Variants in DAPK2 observed in about 807,000 individuals in gnomAD.
The protein encoded by DAPK2 is death-associated protein kinase 2.
A neutral mutation model predicts 44.1 loss-of-function variants in DAPK2; 35 were observed. The ratio of observed to expected loss-of-function variants is 0.79; its 90% confidence interval spans 0.61 to 1.05. The LOEUF (loss-of-function observed/expected upper bound fraction) is 1.05. DAPK2 is among the 50% of genes least tolerant of loss of function. DAPK2 has a pLI of 0.00. For missense variants in DAPK2, 453 were observed against 483.2 expected (o/e 0.94, Z 0.59); for synonymous variants, 174 against 182.6 (o/e 0.95, Z 0.38).
intron 1 of DAPK2, among the ~76,000 whole-genome samples, chr15:64,025,227 T>C (rs2079804767): frequency 6.6e-6 from 1 of 152,170 alleles, no homozygotes; most frequent in African/African-American, 2.4e-5. Context: ...GTTCAATCTC[T>C]AAGATTCAGC....
At chr15:64,037,589 C>T (rs2080244312) in intron 1 of DAPK2, among the ~76,000 whole-genome samples, 2 of 152,274 alleles carry the variant, frequency 1.3e-5, no homozygotes, top group East Asian at 1.9e-4. Flanking sequence ...TTGGATGGTG[C>T]GTGGCACACA....
At position 63,912,050 on chromosome 15, in the gene DAPK2, G is replaced by A; in HGVS notation, c.948+58C>T. The A allele has an allele frequency of 6.3e-7, 1 of 1,592,162 alleles. No homozygotes were observed. Among genetic ancestry groups the A allele is most frequent in the Non-Finnish European group, 8.6e-7 (1 of 1,168,860 alleles). On this transcript the variant is annotated intron_variant, in intron 9 of 10. Coordinates refer to ENST00000261891, the Ensembl canonical transcript of DAPK2. This position sits in a 1 kb window ranked among gnomAD's most constrained non-coding sequence, Gnocchi z 4.4. ...AGAATGTGCATGGAGACCCTGGAGA[G>A]CCAGAAACCCCGCCCTAGCCCCCAC...
At chr15:63,997,935 A>G (rs1339675333) in intron 1 of DAPK2, among the ~76,000 whole-genome samples, 1 of 152,150 alleles carries the variant, frequency 6.6e-6, no homozygotes, top group African/African-American at 2.4e-5. Context: ...GATTTCATGC[A>G]CTGATCCACA....
intron 8 of DAPK2, chr15:63,922,926 G>C: frequency 6.5e-7 from 1 of 1,535,880 alleles, no homozygotes; most frequent in Non-Finnish European, 8.7e-7. Flanking sequence ...ATCTCAAACT[G>C]GGCTTGCAGA....
chr15:63,944,951 C>G (rs2077410767), intron 3 of DAPK2, among the ~76,000 whole-genome samples: 1 of 152,238 alleles, frequency 6.6e-6, no homozygotes, highest in Non-Finnish European at 1.5e-5. Flanking sequence ...ATCCTTTGCT[C>G]TGGCTTGGAA....
intron 1 of DAPK2, among the ~76,000 whole-genome samples, chr15:63,989,249 A>G (rs1422808621): frequency 6.6e-6 from 1 of 150,954 alleles, no homozygotes; most frequent in South Asian, 2.1e-4. Flanking sequence ...CCAGCTACTC[A>G]GGATGCTGAG....
At chr15:63,947,399 C>T (rs552256387) in intron 3 of DAPK2, among the ~76,000 whole-genome samples, 2 of 152,186 alleles carry the variant, frequency 1.3e-5, no homozygotes, top group Non-Finnish European at 2.9e-5. Context: ...GGGCGGCTGG[C>T]ATTATAGCAG....
At chr15:63,926,178 A>T (rs1474133059) in intron 6 of DAPK2, 85 bp from the exon 8 acceptor site, 8 of 1,472,054 alleles carry the variant, frequency 5.4e-6, no homozygotes, top group Non-Finnish European at 7.4e-6. Flanking sequence ...CTGCCCCATG[A>T]CTGCTGCAGG....
intron 1 of DAPK2, among the ~76,000 whole-genome samples, chr15:64,023,590 T>G (rs1334136139): frequency 6.6e-6 from 1 of 152,228 alleles, no homozygotes; most frequent in African/African-American, 2.4e-5. Flanking sequence ...AGTACCATTT[T>G]GAAGAACTGA....
At chr15:63,945,607 A>C (rs1160393286) in intron 3 of DAPK2, among the ~76,000 whole-genome samples, 1 of 152,158 alleles carries the variant, frequency 6.6e-6, no homozygotes, top group Non-Finnish European at 1.5e-5. Context: ...ACCCTCCCCA[A>C]ATAGAGCAGG....
At chr15:63,959,021 T>A (rs534573755) in intron 3 of DAPK2, among the ~76,000 whole-genome samples, 29 of 152,348 alleles carry the variant, frequency 1.9e-4, no homozygotes, top group African/African-American at 6.7e-4. Flanking sequence ...GTGTCCTCTT[T>A]TATTTCATTG....
intron 1 of DAPK2, among the ~76,000 whole-genome samples, chr15:64,001,341 C>A (rs1035767165): frequency 6.6e-6 from 1 of 152,066 alleles, no homozygotes; most frequent in Non-Finnish European, 1.5e-5. Context: ...CAGCTTGGCC[C>A]GACAAAGAAC....
intron 1 of DAPK2, among the ~76,000 whole-genome samples, chr15:63,995,608 G>T (rs1228468573): frequency 6.6e-6 from 1 of 152,160 alleles, no homozygotes; most frequent in African/African-American, 2.4e-5. Flanking sequence ...CACATTGTTG[G>T]TCACTCCATG....
At chr15:63,978,292 T>TA (rs1312724140) in intron 2 of DAPK2, among the ~76,000 whole-genome samples, 1 of 152,060 alleles carries the variant, frequency 6.6e-6, no homozygotes, top group Non-Finnish European at 1.5e-5. Context: ...CCCTGCCAGG[T>TA]TGTGTGGGCC....
rs991227631 is a variant in DAPK2, at chr15:63,917,788, A to C, written c.859-5591T>G. Reference sequence around the variant, plus strand: ...TGGAGGAGGGCGGTCACTGGTGGGGACGGCGTCCCTGGGAAGGCCTCTCTT... The same window carrying C: ...TGGAGGAGGGCGGTCACTGGTGGGGCCGGCGTCCCTGGGAAGGCCTCTCTT... On this transcript the variant is annotated intron_variant, in intron 8 of 10. Coordinates refer to ENST00000261891, the Ensembl canonical transcript of DAPK2. The surrounding 1 kb of genome is among the most constrained non-coding windows in gnomAD (Gnocchi z 4.4). 7.9e-5 allele frequency: 12 copies of C among 151,762 alleles called. No individual in the cohort carries two copies. The highest frequency in any genetic ancestry group is 1.5e-4 in the African/African-American group (6 of 41,262). 9.4% of individuals were successfully genotyped at this position (151,762 alleles called of 1,614,324 possible). A position where few individuals can be genotyped will look rare whatever the true frequency, so the allele number is the denominator to read the frequency against.
intron 4 of DAPK2, 25 bp from the exon 6 acceptor site, chr15:63,930,480 CA>C: frequency 6.2e-7 from 1 of 1,611,592 alleles, no homozygotes; most frequent in Non-Finnish European, 8.5e-7. Flanking sequence ...ATTAAATAGT[CA>C]ACATGAGTGT....
intron 8 of DAPK2, among the ~76,000 whole-genome samples, chr15:63,913,656 A>T (rs2078854398): frequency 6.6e-6 from 1 of 152,178 alleles, no homozygotes; most frequent in Admixed American, 6.5e-5. Context: ...TCATCATGGC[A>T]TCAGGGACCG....
At chr15:64,018,968 A>G (rs1372430275) in intron 1 of DAPK2, among the ~76,000 whole-genome samples, 1 of 152,174 alleles carries the variant, frequency 6.6e-6, no homozygotes, top group African/African-American at 2.4e-5. Context: ...CCTCCTCCCT[A>G]AAAGGTGGCT....
At chr15:64,018,628 T>A (rs2079600611) in intron 1 of DAPK2, among the ~76,000 whole-genome samples, 1 of 152,138 alleles carries the variant, frequency 6.6e-6, no homozygotes, top group African/African-American at 2.4e-5. Context: ...CCCCTCTAGG[T>A]TGCACCAGGC....
Sources: gnomAD v4.1 joint callset for allele counts (sites outside exome capture counted in the v4.1 genomes callset) on GRCh38, gnomAD v4.1.1 for gene constraint, Gnocchi (gnomAD v3.1) non-coding constraint, MANE v1.5 for transcripts, NCBI Gene and HGNC (gene_info 2026-07-23, HGNC 2026-07-21) for gene names.